Variants in BRINP1 observed in about 807,000 individuals in gnomAD.
BRINP1 encodes the protein BMP/retinoic acid-inducible neural-specific protein 1.
Under a neutral mutation model 72.9 loss-of-function variants are expected in BRINP1, and 17 were observed. That is an observed-to-expected ratio of 0.23 (90% CI 0.16 to 0.35). The LOEUF is 0.35. Ranked by LOEUF, BRINP1 falls within the 10% of genes least tolerant of loss-of-function variation. BRINP1 has a pLI of 1.00. For synonymous variants in BRINP1, 418 were observed against 378.5 expected (o/e 1.10, Z -1.21); for missense variants, 850 against 1,001.6 (o/e 0.85, Z 2.04).
chr9:119,330,763 C>T (rs1051539058), intron 1 of BRINP1, among the ~76,000 whole-genome samples: 1 of 152,134 alleles, frequency 6.6e-6, no homozygotes. Flanking sequence ...TGCAGTGGCT[C>T]ACACCTGTAA....
chr9:119,233,964 T>C (rs1322947493), intron 5 of BRINP1, among the ~76,000 whole-genome samples: 2 of 152,216 alleles, frequency 1.3e-5, no homozygotes, highest in South Asian at 2.1e-4. Context: ...TATTGTTGTA[T>C]GAAACAGTGG....
At chr9:119,359,334 T>C (rs981324708) in intron 1 of BRINP1, among the ~76,000 whole-genome samples, 1 of 152,174 alleles carries the variant, frequency 6.6e-6, no homozygotes, top group African/African-American at 2.4e-5. Flanking sequence ...TAGCCAGGAC[T>C]ACAGGCATAT....
Position 119,206,872 on chromosome 9 carries a change from G to A in BRINP1, c.1145+1847C>T, listed in dbSNP as rs192783748. Among the ~76,000 whole-genome samples, 30 of 152,292 alleles carry A rather than the reference G, an allele frequency of 2.0e-4. No individual in the cohort carries two copies. In the East Asian group the frequency reaches 2.5e-3, roughly 13 times the overall value. ...AGCAGTCTGAGCATCTGTTGTGCTCGACAAGAAAGTAAGTTTGTGACCTTT... is the reference window on the plus strand; with the variant it reads ...AGCAGTCTGAGCATCTGTTGTGCTCAACAAGAAAGTAAGTTTGTGACCTTT... On this transcript the variant is annotated intron_variant, in intron 7 of 7. Coordinates refer to ENST00000265922, the MANE Select transcript of BRINP1 (RefSeq NM_014618.3).
intron 2 of BRINP1, among the ~76,000 whole-genome samples, chr9:119,311,780 C>T (rs537770438): frequency 3.0e-4 from 46 of 152,174 alleles, no homozygotes; most frequent in African/African-American, 9.4e-4. Flanking sequence ...ATGATTGTAA[C>T]GAAAAATGTT....
intron 2 of BRINP1, among the ~76,000 whole-genome samples, chr9:119,294,824 C>G (rs1830857585): frequency 1.4e-5 from 2 of 141,152 alleles, no homozygotes; most frequent in African/African-American, 5.2e-5. Flanking sequence ...CCACTGCACT[C>G]TAGCCTGAGC....
chr9:119,329,650 A>C (rs1831279596), intron 1 of BRINP1, among the ~76,000 whole-genome samples: 1 of 152,196 alleles, frequency 6.6e-6, no homozygotes, highest in Admixed American at 6.5e-5. Flanking sequence ...GCCACTTTTA[A>C]CATACACAGG....
At chr9:119,334,013 C>A (rs530440907) in intron 1 of BRINP1, among the ~76,000 whole-genome samples, 28 of 152,310 alleles carry the variant, frequency 1.8e-4, no homozygotes, top group African/African-American at 6.5e-4. Context: ...AATGCCTGGT[C>A]TATTTCTAGC....
At chr9:119,181,887 A>G (rs1829562101) in intron 7 of BRINP1, among the ~76,000 whole-genome samples, 1 of 152,222 alleles carries the variant, frequency 6.6e-6, no homozygotes, top group Non-Finnish European at 1.5e-5. Flanking sequence ...TTTCTCAACT[A>G]CAGAATGGAA....
intron 1 of BRINP1, among the ~76,000 whole-genome samples, chr9:119,344,082 G>A (rs150877229): frequency 3.3e-5 from 5 of 152,220 alleles, no homozygotes; most frequent in Non-Finnish European, 5.9e-5. Context: ...GGGAGGAAGC[G>A]GGAGTCAGAG....
rs1171409624 is a variant in BRINP1 at position 119,167,178 on chromosome 9, G to T, written c.2192C>A (p.Thr731Asn). 6.2e-7 allele frequency: 1 copy of T among 1,614,156 alleles called. No homozygotes were observed. The highest frequency in any genetic ancestry group is 8.5e-7 in the Non-Finnish European group (1 of 1,180,028). The change falls in exon 8 of 8, where the codon ACC becomes AAC. Residue 731 changes from threonine (T) to asparagine (N), a missense_variant. Thr to Asn is a moderately conservative substitution (Grantham distance 65). Coordinates refer to ENST00000265922, the MANE Select transcript of BRINP1 (RefSeq NM_014618.3). This position sits in a 1 kb window ranked among gnomAD's most constrained non-coding sequence, Gnocchi z 4.3. ...SCMLKHRLKL[T>N]NSEIIRVNHA... ...GTTCACCCTGATGATCTCGCTGTTG[G>T]TCAGTTTCAGGCGGTGTTTCAGCAT... is the stretch of plus-strand genomic sequence containing the variant.
intron 1 of BRINP1, among the ~76,000 whole-genome samples, chr9:119,344,425 G>A (rs774084523): frequency 6.6e-6 from 1 of 152,112 alleles, no homozygotes; most frequent in African/African-American, 2.4e-5. Context: ...TAAAAGTAAA[G>A]GTCATACTGT....
chr9:119,252,231 A>G (rs776881959), intron 2 of BRINP1, among the ~76,000 whole-genome samples: 18 of 152,142 alleles, frequency 1.2e-4, no homozygotes, highest in Admixed American at 2.0e-4. Flanking sequence ...GGCAGTAACC[A>G]TGGGCTTAAG....
At chr9:119,265,572 G>A (rs1464287810) in intron 2 of BRINP1, among the ~76,000 whole-genome samples, 1 of 152,108 alleles carries the variant, frequency 6.6e-6, no homozygotes, top group African/African-American at 2.4e-5. Context: ...ACTCCAGCCT[G>A]GGTGACAGAG....
intron 5 of BRINP1, among the ~76,000 whole-genome samples, chr9:119,223,839 T>C (rs1175890120): frequency 1.3e-5 from 2 of 152,216 alleles, no homozygotes; most frequent in Non-Finnish European, 2.9e-5. Flanking sequence ...CAGAAAGATC[T>C]GAGTAAAAAA....
intron 2 of BRINP1, among the ~76,000 whole-genome samples, chr9:119,309,677 C>T (rs1831041053): frequency 6.6e-6 from 1 of 152,156 alleles, no homozygotes; most frequent in Non-Finnish European, 1.5e-5. Flanking sequence ...ACATCATTAT[C>T]CCTTTCTACA....
At chr9:119,339,590 T>C (rs1189836309) in intron 1 of BRINP1, among the ~76,000 whole-genome samples, 1 of 152,212 alleles carries the variant, frequency 6.6e-6, no homozygotes, top group Admixed American at 6.5e-5. Flanking sequence ...TGAATACATA[T>C]CTTTGGAATA....
intron 7 of BRINP1, among the ~76,000 whole-genome samples, chr9:119,198,670 T>A (rs1287580822): frequency 1.3e-5 from 1 of 75,644 alleles, no homozygotes; most frequent in Non-Finnish European, 2.8e-5. Flanking sequence ...TTGAAAATAT[T>A]AATTTTTTTT....
chr9:119,325,118 AAG>A (rs767203877), intron 1 of BRINP1, among the ~76,000 whole-genome samples: 5 of 151,528 alleles, frequency 3.3e-5, no homozygotes, highest in African/African-American at 4.8e-5. Flanking sequence ...GAAAGAAAGA[AAG>A]AGAGAGAGAG....
At chr9:119,351,999 T>C (rs1172653522) in intron 1 of BRINP1, among the ~76,000 whole-genome samples, 2 of 152,054 alleles carry the variant, frequency 1.3e-5, no homozygotes, top group African/African-American at 4.8e-5. Flanking sequence ...GGTTTCACCA[T>C]GTTGGCCAGG....
Sources: allele counts gnomAD v4.1 joint callset (sites outside exome capture counted in the v4.1 genomes callset), GRCh38; gene constraint gnomAD v4.1.1; non-coding constraint Gnocchi (gnomAD v3.1); transcripts MANE v1.5; gene names NCBI Gene and HGNC (gene_info 2026-07-23, HGNC 2026-07-21).